XIAP: variants seen among roughly 807,000 people sequenced by gnomAD.
XIAP encodes the protein X-linked inhibitor of apoptosis.
XIAP carries 3 observed loss-of-function variants against 33.1 expected under a neutral mutation model. The ratio of observed to expected loss-of-function variants is 0.09; its 90% CI spans 0.04 to 0.23. The LOEUF is 0.23. Among genes scored for constraint, XIAP ranks in the 10% least tolerant of loss-of-function variants. XIAP has a pLI of 1.00. For missense variants in XIAP, 264 were observed against 363.0 expected, an observed-to-expected ratio of 0.73 and a Z score of 2.22; for synonymous variants, 98 against 121.3, an observed-to-expected ratio of 0.81 and a Z score of 1.26.
intron 1 of XIAP, among the ~76,000 whole-genome samples, chrX:123,878,051 C>T (rs5958329): frequency 0.12 from 13,209 of 110,229 alleles, 750 homozygotes; most frequent in African/African-American, 0.22. Flanking sequence ...AAATATGTAA[C>T]CACTTCAAAC....
At chrX:123,867,819 G>A (rs191160006) in intron 1 of XIAP, among the ~76,000 whole-genome samples, 26 of 108,772 alleles carry the variant, frequency 2.4e-4, no homozygotes, top group African/African-American at 7.4e-4. Context: ...GATTACAGGC[G>A]CACGCACAAC....
chrX:123,878,601 T>G, intron 1 of XIAP: 1 of 114,009 alleles, frequency 8.8e-6, no homozygotes, highest in East Asian at 2.8e-4. Flanking sequence ...CATAATGTTA[T>G]GATAGTTCCA....
chrX:123,904,489 C>T (rs1427068632), intron 6 of XIAP, among the ~76,000 whole-genome samples: 1 of 111,850 alleles, frequency 8.9e-6, no homozygotes, highest in African/African-American at 3.3e-5. Flanking sequence ...CCTGAATCTA[C>T]TTTGTGAACT....
intron 1 of XIAP, among the ~76,000 whole-genome samples, chrX:123,870,748 A>G (rs997127244): frequency 1.8e-5 from 2 of 111,147 alleles, no homozygotes; most frequent in African/African-American, 6.5e-5. Flanking sequence ...AGATTGTGAC[A>G]CTGCACTCCA....
At chrX:123,882,260 C>A (rs2148085431) in intron 1 of XIAP, among the ~76,000 whole-genome samples, 1 of 111,701 alleles carries the variant, frequency 9.0e-6, no homozygotes, top group South Asian at 3.7e-4. Context: ...CCATTTGGTG[C>A]TACCATCGAT....
chrX:123,899,144 A>AAAAAAAAT lies in XIAP; in HGVS notation c.1100-1348_1100-1347insAAAAAATA, dbSNP rs1186271285. On this transcript the variant is annotated intron_variant, in intron 5 of 6. Coordinates refer to ENST00000371199, the MANE Select transcript of XIAP (RefSeq NM_001167.4). ...CAAAAAAAAAAAAAAAAAAAAAAAAAATATATATATATATATATATATGAT... is the reference window on the plus strand; with the variant it reads ...CAAAAAAAAAAAAAAAAAAAAAAAAAAAAAAAATATATATATATATATATATATATGAT... 6.4e-4 allele frequency among the ~76,000 whole-genome samples: 32 copies of AAAAAAAAT among 50,165 alleles called. 7 individuals carry two copies. The highest frequency in any genetic ancestry group is 7.8e-4 in the Non-Finnish European group (22 of 28,382). 43.6% of individuals were successfully genotyped at this position (50,165 alleles called of 115,157 possible).
rs768570428 is a variant in XIAP at position 123,898,058 on chromosome X, G to A, written c.1100-2435G>A. Among the ~76,000 whole-genome samples, 16 of 112,180 alleles carry A rather than the reference G, an allele frequency of 1.4e-4. No homozygotes were observed. In the Middle Eastern group the frequency reaches 0.014, roughly 97 times the overall value. The stretch of plus-strand genomic sequence containing the variant: ...TGCATCTCTAAAAACCACTCAGACT[G>A]AATCTAATCCTGCACTTTTTTCTCC... On this transcript the variant is annotated intron_variant, in intron 5 of 6. Transcript: ENST00000371199.
chrX:123,881,621 C>A (rs1197709066), intron 1 of XIAP, among the ~76,000 whole-genome samples: 1 of 111,946 alleles, frequency 8.9e-6, no homozygotes, highest in Non-Finnish European at 1.9e-5. Flanking sequence ...AAGATAAGAT[C>A]TCCACTCAAA....
chrX:123,910,728 C>T lies in XIAP; in HGVS notation c.*3547C>T, dbSNP rs775436856. The T allele has an allele frequency of 2.9e-5, 8 of 280,271 alleles. No individual in the cohort carries two copies. The highest frequency in any genetic ancestry group is 1.1e-4 in the African/African-American group (4 of 35,088). 23.1% of individuals were successfully genotyped at this position (280,271 alleles called of 1,213,427 possible). A position where few individuals can be genotyped will look rare whatever the true frequency, so the allele number is the denominator to read the frequency against. On this transcript the variant is annotated 3_prime_UTR_variant, in exon 7 of 7. Coordinates refer to ENST00000371199, the MANE Select transcript of XIAP (RefSeq NM_001167.4). Reference sequence around the variant, plus strand: ...ACTAAAAAACAGAAAATTAGCCGGGCGTGGTGGCGGGCGCCTGTAGTCCCA... The same window carrying T: ...ACTAAAAAACAGAAAATTAGCCGGGTGTGGTGGCGGGCGCCTGTAGTCCCA...
At chrX:123,867,039 C>A (rs5958319) in intron 1 of XIAP, among the ~76,000 whole-genome samples, 1 of 39,614 alleles carries the variant, frequency 2.5e-5, no homozygotes, top group Non-Finnish European at 4.4e-5. Context: ...TGTTTTAATC[C>A]CCCCCCCCCC....
At chrX:123,869,125 C>T (rs1444206023) in intron 1 of XIAP, among the ~76,000 whole-genome samples, 1 of 110,318 alleles carries the variant, frequency 9.1e-6, no homozygotes, top group East Asian at 2.8e-4. Context: ...CCGGACAAGG[C>T]TGCTGCCATT....
In XIAP at chrX:123,912,212, C is replaced by CT. The variant is rs1303236595; in HGVS notation, c.*5032dup. ...TTCAACCAAGGAGGAATTGAAAACA[C>CT]TGAGAAAAAAAAAAAAGACCACACA... On this transcript the variant is annotated 3_prime_UTR_variant, in exon 7 of 7. Coordinates refer to ENST00000371199, the MANE Select transcript of XIAP (RefSeq NM_001167.4). The CT allele has an allele frequency of 4.5e-6, 1 of 220,381 alleles. No individual in the cohort carries two copies. Among genetic ancestry groups the CT allele is most frequent in the African/African-American group, 4.6e-5 (1 of 21,714 alleles). 18.2% of individuals were successfully genotyped at this position (220,381 alleles called of 1,213,427 possible).
intron 3 of XIAP, 77 bp downstream of exon 3, chrX:123,888,795 A>G (rs2053377195): frequency 4.4e-6 from 4 of 918,944 alleles, no homozygotes; most frequent in Non-Finnish European, 6.3e-6. Flanking sequence ...TTTTACCTCA[A>G]CTATTTTTGC....
intron 4 of XIAP, among the ~76,000 whole-genome samples, chrX:123,891,850 A>C (rs2053411728): frequency 9.5e-6 from 1 of 105,104 alleles, no homozygotes; most frequent in Admixed American, 1.0e-4. Context: ...AAAAAGAGAG[A>C]GCCTAAAAAG....
At chrX:123,859,895 C>T (rs28382701), upstream of XIAP, 17,520 of 250,379 alleles carry the variant, frequency 0.07, 539 homozygotes, top group Non-Finnish European at 0.096. Context: ...GAGGGACGCC[C>T]GGCCCAAGTG....
At chrX:123,882,463 C>T (rs746264479) in intron 1 of XIAP, among the ~76,000 whole-genome samples, 26 of 112,020 alleles carry the variant, frequency 2.3e-4, no homozygotes, top group African/African-American at 7.5e-4. Flanking sequence ...AAATATCCTT[C>T]GCTATTCCAA....
chrX:123,899,786 A>G (rs773527342), intron 5 of XIAP, among the ~76,000 whole-genome samples: 1 of 108,235 alleles, frequency 9.2e-6, no homozygotes, highest in African/African-American at 3.4e-5. Context: ...TCACCTGATG[A>G]TGGACATTTG....
intron 5 of XIAP, among the ~76,000 whole-genome samples, chrX:123,897,114 A>G (rs1307012214): frequency 4.6e-5 from 5 of 107,656 alleles, no homozygotes; most frequent in African/African-American, 1.7e-4. Context: ...TATTTTTAGT[A>G]GAGACGGGGT....
rs1447194427 is a variant in XIAP, at chrX:123,912,978, G to A, written c.*5797G>A. The A allele has an allele frequency of 1.1e-5, 3 of 279,694 alleles. No homozygotes were observed. The highest frequency in any genetic ancestry group is 3.3e-5 in the South Asian group (1 of 29,872). The allele number at this position is 279,694 out of a possible 1,213,427, so 23.0% of individuals were successfully genotyped here. ...GTATTTTTTAGTAGTGACTGGTTTC[G>A]CGGTGTTGACCAGGCTGGTCTCGAA... On this transcript the variant is annotated 3_prime_UTR_variant, in exon 7 of 7. Coordinates refer to ENST00000371199, the MANE Select transcript of XIAP (RefSeq NM_001167.4).
Sources: allele counts gnomAD v4.1 joint callset (sites outside exome capture counted in the v4.1 genomes callset), GRCh38; gene constraint gnomAD v4.1.1; transcripts MANE v1.5; gene names NCBI Gene and HGNC (gene_info 2026-07-23, HGNC 2026-07-21).